Variants in PRKD1 observed in about 807,000 individuals in gnomAD.
PRKD1 encodes protein kinase D1.
In PRKD1, 63 loss-of-function variants were observed where a neutral mutation model predicts 95.9. The ratio of observed to expected loss-of-function variants is 0.66; its 90% CI spans 0.54 to 0.81. The LOEUF is 0.81. PRKD1 is among the 30% of genes least tolerant of loss of function. PRKD1 has a pLI of 0.00. For missense variants in PRKD1, 1,048 were observed against 1,165.3 expected, an observed-to-expected ratio of 0.90 and a Z score of 1.47; for synonymous variants, 425 against 423.1, an observed-to-expected ratio of 1.00 and a Z score of -0.05.
chr14:29,633,187 G>A (rs570425054), intron 8 of PRKD1, among the ~76,000 whole-genome samples: 8 of 152,186 alleles, frequency 5.3e-5, no homozygotes, highest in African/African-American at 1.7e-4. Context: ...AAGTATTAGC[G>A]CCCAGTAAGA....
intron 1 of PRKD1, among the ~76,000 whole-genome samples, chr14:29,748,574 C>A (rs1436676810): frequency 6.6e-6 from 1 of 152,166 alleles, no homozygotes. Flanking sequence ...CTCACATAGG[C>A]CCTCAGCTCT....
intron 1 of PRKD1, among the ~76,000 whole-genome samples, chr14:29,776,851 C>A (rs1594508182): frequency 6.6e-6 from 1 of 152,186 alleles, no homozygotes; most frequent in Non-Finnish European, 1.5e-5. Context: ...GTCAGATTCA[C>A]CAAAGTTGAA....
intron 1 of PRKD1, among the ~76,000 whole-genome samples, chr14:29,858,696 A>G (rs1394884966): frequency 1.3e-5 from 2 of 152,118 alleles, no homozygotes; most frequent in Non-Finnish European, 2.9e-5. Context: ...AATTCCACAT[A>G]AATATAATGG....
At chr14:29,667,146 C>T (rs538214904) in intron 2 of PRKD1, among the ~76,000 whole-genome samples, 26 of 152,116 alleles carry the variant, frequency 1.7e-4, no homozygotes, top group African/African-American at 5.8e-4. Context: ...CCTGAGGTTG[C>T]GGCTGCACAA....
At chr14:29,694,613 A>C (rs1884412995) in intron 2 of PRKD1, among the ~76,000 whole-genome samples, 1 of 152,236 alleles carries the variant, frequency 6.6e-6, no homozygotes, top group Non-Finnish European at 1.5e-5. Context: ...ACAGAAAATA[A>C]AATAGATTAA....
intron 1 of PRKD1, chr14:29,751,272 A>G (rs370345951): frequency 4.5e-4 from 69 of 152,232 alleles, no homozygotes; most frequent in African/African-American, 1.6e-3. Flanking sequence ...AAAAGCCTGA[A>G]AACTGCTATT....
chr14:29,887,200 C>G (rs1418908726), intron 1 of PRKD1, among the ~76,000 whole-genome samples: 1 of 152,168 alleles, frequency 6.6e-6, no homozygotes, highest in East Asian at 1.9e-4. Flanking sequence ...ACCCAGAGAG[C>G]AACCTTGACT....
chr14:29,774,193 G>C (rs1052477141), intron 1 of PRKD1, among the ~76,000 whole-genome samples: 6 of 152,346 alleles, frequency 3.9e-5, no homozygotes, highest in Admixed American at 6.5e-5. Context: ...CAGGAAGCTA[G>C]TGTGGCACCT....
chr14:29,634,182 C>A (rs923658754), intron 8 of PRKD1, among the ~76,000 whole-genome samples: 2 of 152,188 alleles, frequency 1.3e-5, no homozygotes, highest in African/African-American at 4.8e-5. Flanking sequence ...CTCAGGTAAT[C>A]AAGGTCAATG....
chr14:29,702,056 T>C (rs1884868256), intron 2 of PRKD1, among the ~76,000 whole-genome samples: 2 of 152,196 alleles, frequency 1.3e-5, no homozygotes, highest in South Asian at 2.1e-4. Flanking sequence ...ATGTTTATGT[T>C]ATTGAACCTC....
intron 2 of PRKD1, among the ~76,000 whole-genome samples, chr14:29,682,101 C>T (rs1883572369): frequency 6.6e-6 from 1 of 152,162 alleles, no homozygotes; most frequent in Non-Finnish European, 1.5e-5. Flanking sequence ...TTGATATCGA[C>T]TGAATCATAA....
chr14:29,783,190 T>C (rs1441524686), intron 1 of PRKD1, among the ~76,000 whole-genome samples: 1 of 152,158 alleles, frequency 6.6e-6, no homozygotes, highest in Non-Finnish European at 1.5e-5. Flanking sequence ...ACCATCCTTC[T>C]ATTCTCTACC....
rs45490192 is a variant in PRKD1, at chr14:29,759,719, C to T, written c.265-34045G>A. ...AAGCAAACAGAAAATGTGAGAGTCA[C>T]GGCACGGTGGCAGAAACTGGCATTG... On this transcript the variant is annotated intron_variant, in intron 1 of 17. Coordinates refer to ENST00000331968, the MANE Select transcript of PRKD1 (RefSeq NM_002742.3). Among the ~76,000 whole-genome samples, 6 of 152,230 alleles carry T rather than the reference C, an allele frequency of 3.9e-5. No homozygotes were observed. The East Asian group carries it at 7.7e-4, about 20-fold the overall frequency.
rs560065277 is a variant in PRKD1, at chr14:29,646,732, AAAAC to A, written c.697-7832_697-7829del. ...AGTCCGAGGCTACTTTCTGAAGCAA[AAAAC>A]AAACAAACAAAAAACGAAAAAAAAA... On this transcript the variant is annotated intron_variant, in intron 4 of 17. Coordinates refer to ENST00000331968, the MANE Select transcript of PRKD1 (RefSeq NM_002742.3). Among the ~76,000 whole-genome samples the A allele has an allele frequency of 7.9e-3, 1,201 of 151,298 alleles. 22 individuals carry two copies. The highest frequency in any genetic ancestry group is 0.027 in the African/African-American group (1,113 of 41,072).
intron 1 of PRKD1, among the ~76,000 whole-genome samples, chr14:29,879,313 G>A (rs1893417747): frequency 6.6e-6 from 1 of 152,202 alleles, no homozygotes; most frequent in Non-Finnish European, 1.5e-5. Flanking sequence ...ATTTAATCCT[G>A]GGGGCCGGTC....
intron 1 of PRKD1, among the ~76,000 whole-genome samples, chr14:29,836,349 A>G (rs1891611344): frequency 6.6e-6 from 1 of 152,184 alleles, no homozygotes; most frequent in African/African-American, 2.4e-5. Context: ...TAATATGATA[A>G]CTGGAAGTAG....
At chr14:29,742,170 A>C (rs1198013899) in intron 1 of PRKD1, among the ~76,000 whole-genome samples, 1 of 152,236 alleles carries the variant, frequency 6.6e-6, no homozygotes, top group African/African-American at 2.4e-5. Context: ...ATAGGAAAGA[A>C]TTTCTTCTCC....
intron 13 of PRKD1, among the ~76,000 whole-genome samples, chr14:29,612,026 A>G (rs181534526): frequency 2.6e-5 from 4 of 152,304 alleles, no homozygotes; most frequent in East Asian, 1.9e-4. Flanking sequence ...ACCAAAAAGC[A>G]TAACATTCCA....
intron 13 of PRKD1, 105 bp from the exon 14 acceptor site, chr14:29,599,922 CCACACTTAAGATTTTTAA>C: frequency 9.8e-7 from 1 of 1,024,202 alleles, no homozygotes; most frequent in South Asian, 2.2e-5. Flanking sequence ...ATAGAGAAAC[CCACACTTAAGATTTTTAA>C]CACCTCTACA....
Sources: allele counts gnomAD v4.1 joint callset (sites outside exome capture counted in the v4.1 genomes callset), GRCh38; gene constraint gnomAD v4.1.1; transcripts MANE v1.5; gene names NCBI Gene and HGNC (gene_info 2026-07-23, HGNC 2026-07-21).